C6: variants seen among roughly 807,000 people sequenced by gnomAD.
C6 encodes the protein complement C6.
C6 carries 101 observed loss-of-function variants against 112.9 expected under a neutral mutation model. The observed-to-expected ratio is 0.89, with a 90% CI of 0.76 to 1.06. C6 has a LOEUF of 1.06. C6 is among the 50% of genes least tolerant of loss of function. The pLI is 0.00. For synonymous variants in C6, 431 were observed against 384.1 expected, an observed-to-expected ratio of 1.12 and a Z score of -1.43; for missense variants, 1,202 against 1,104.6, an observed-to-expected ratio of 1.09 and a Z score of -1.25.
intron 17 of C6, 85 bp downstream of exon 17, chr5:41,149,156 G>T (rs191571071): frequency 3.4e-6 from 5 of 1,478,844 alleles, no homozygotes; most frequent in African/African-American, 2.8e-5. Flanking sequence ...TTTGATTAAG[G>T]ATAGGTTATT....
At chr5:41,203,967 C>G (rs1751228124) in intron 1 of C6, among the ~76,000 whole-genome samples, 2 of 152,134 alleles carry the variant, frequency 1.3e-5, no homozygotes, top group African/African-American at 2.4e-5. Context: ...GCCTGGAGCT[C>G]CACCACTCAG....
chr5:41,176,054 G>A (rs559861672), intron 8 of C6, among the ~76,000 whole-genome samples: 10 of 152,178 alleles, frequency 6.6e-5, no homozygotes, highest in South Asian at 2.1e-4. Context: ...TATTTAATTC[G>A]TTATAAGGTA....
intron 1 of C6, among the ~76,000 whole-genome samples, chr5:41,257,514 A>T (rs538230765): frequency 9.5e-4 from 144 of 152,156 alleles, no homozygotes; most frequent in African/African-American, 3.3e-3. Context: ...AGAATGACTT[A>T]TTTTTTGGGG....
At chr5:41,195,988 T>C (rs1051538394) in intron 4 of C6, 55 bp from the exon 5 acceptor site, 2 of 1,599,006 alleles carry the variant, frequency 1.3e-6, no homozygotes, top group Admixed American at 1.7e-5. Flanking sequence ...TTAGAAAGTA[T>C]TTATTAATTT....
intron 1 of C6, among the ~76,000 whole-genome samples, chr5:41,227,171 T>G (rs776330417): frequency 6.6e-6 from 1 of 152,198 alleles, no homozygotes; most frequent in Non-Finnish European, 1.5e-5. Context: ...TGGTGATACC[T>G]CATGATGATT....
chr5:41,203,622 G>T (rs1267156900), intron 1 of C6: 1 of 218,128 alleles, frequency 4.6e-6, no homozygotes, highest in Non-Finnish European at 9.4e-6. Context: ...ATAGCCTCAA[G>T]TACATTTCAG....
chr5:41,257,829 T>C (rs559712773), intron 1 of C6, among the ~76,000 whole-genome samples: 1 of 152,248 alleles, frequency 6.6e-6, no homozygotes, highest in Admixed American at 6.5e-5. Context: ...TCCCTTTTTA[T>C]TTTTTTGGCT....
Position 41,193,435 on chromosome 5 carries a change from A to T in C6, c.587+2357T>A, listed in dbSNP as rs544703501. Among the ~76,000 whole-genome samples, 8 of 152,314 alleles carry T rather than the reference A, an allele frequency of 5.3e-5. No individual in the cohort carries two copies. The South Asian group carries it at 1.7e-3, about 32-fold the overall frequency. Reference sequence around the variant, plus strand: ...GTTTCACATACAGCATTGTTTCTAAAGTGCTTTGATCTAATCTGATTTATG... The same window carrying T: ...GTTTCACATACAGCATTGTTTCTAATGTGCTTTGATCTAATCTGATTTATG... On this transcript the variant is annotated intron_variant, in intron 5 of 17. Coordinates refer to ENST00000337836, the MANE Select transcript of C6 (RefSeq NM_000065.5).
At chr5:41,180,096 A>T (rs1749203927) in intron 7 of C6, among the ~76,000 whole-genome samples, 1 of 152,206 alleles carries the variant, frequency 6.6e-6, no homozygotes, top group African/African-American at 2.4e-5. Context: ...TTTTGAGGAT[A>T]AATGAAATAC....
At chr5:41,160,673 G>A (rs906982679) in intron 10 of C6, among the ~76,000 whole-genome samples, 1 of 152,136 alleles carries the variant, frequency 6.6e-6, no homozygotes, top group African/African-American at 2.4e-5. Flanking sequence ...AAAGCACTGA[G>A]ATAGGTGACC....
chr5:41,219,977 A>G (rs1739068840), intron 1 of C6, among the ~76,000 whole-genome samples: 1 of 152,160 alleles, frequency 6.6e-6, no homozygotes, highest in Non-Finnish European at 1.5e-5. Flanking sequence ...GTAAAGAGGG[A>G]AATGAAAGAA....
chr5:41,236,875 TA>T (rs1220020809), intron 1 of C6, among the ~76,000 whole-genome samples: 1 of 135,952 alleles, frequency 7.4e-6, no homozygotes, highest in East Asian at 2.2e-4. Flanking sequence ...ATAGACACAA[TA>T]AAAAATGATA....
At chr5:41,174,154 A>G (rs929038475) in intron 8 of C6, among the ~76,000 whole-genome samples, 1 of 152,216 alleles carries the variant, frequency 6.6e-6, no homozygotes, top group African/African-American at 2.4e-5. Context: ...TGAATGATGA[A>G]TATTTTTTAT....
At chr5:41,214,566 G>A (rs1248435623), upstream of C6, among the ~76,000 whole-genome samples, 3 of 152,158 alleles carry the variant, frequency 2.0e-5, no homozygotes, top group African/African-American at 7.2e-5. Flanking sequence ...AGAAAGTAGA[G>A]TGGTGTGCTG....
intron 11 of C6, 101 bp from the exon 12 acceptor site, chr5:41,159,354 T>C: frequency 6.6e-7 from 1 of 1,510,154 alleles, no homozygotes; most frequent in Admixed American, 2.0e-5. Context: ...CTCAGTAACT[T>C]CCTTTGTGGG....
chr5:41,171,723 A>G (rs1042627581), intron 9 of C6, among the ~76,000 whole-genome samples: 1 of 151,970 alleles, frequency 6.6e-6, no homozygotes, highest in African/African-American at 2.4e-5. Flanking sequence ...TTTCTTTCTC[A>G]CTCTTTCCAT....
chr5:41,157,428 A>G (rs1747022205), intron 13 of C6, among the ~76,000 whole-genome samples: 1 of 152,214 alleles, frequency 6.6e-6, no homozygotes, highest in African/African-American at 2.4e-5. Flanking sequence ...AAGCTTTTCT[A>G]TAAGTGGCCT....
At chr5:41,258,430 T>A (rs1047444911) in intron 1 of C6, among the ~76,000 whole-genome samples, 4 of 152,214 alleles carry the variant, frequency 2.6e-5, no homozygotes, top group Non-Finnish European at 5.9e-5. Flanking sequence ...GACAACCACA[T>A]TTAAATGAAA....
At chr5:41,255,301 C>G (rs955190777) in intron 1 of C6, among the ~76,000 whole-genome samples, 1 of 150,468 alleles carries the variant, frequency 6.6e-6, no homozygotes, top group Non-Finnish European at 1.5e-5. Context: ...GCGGCGGCCG[C>G]AGTGAGCCGA....
Sources: allele counts gnomAD v4.1 joint callset (sites outside exome capture counted in the v4.1 genomes callset), GRCh38; gene constraint gnomAD v4.1.1; transcripts MANE v1.5; gene names NCBI Gene and HGNC (gene_info 2026-07-23, HGNC 2026-07-21).